The following MTREX variants were observed in gnomAD, a reference collection of about 807,000 sequenced individuals.
MTREX encodes Mtr4 exosome RNA helicase.
In MTREX, 76 loss-of-function variants were observed where a neutral mutation model predicts 135.4. The ratio of observed to expected loss-of-function variants is 0.56; its 90% CI spans 0.47 to 0.68. The LOEUF (loss-of-function observed/expected upper bound fraction) is 0.68, where lower values mean the gene tolerates loss of function less well. Among genes scored for constraint, MTREX ranks in the 30% least tolerant of loss-of-function variants. The pLI is 0.00. For synonymous variants in MTREX, 404 were observed against 401.6 expected (o/e 1.01, Z -0.07); for missense variants, 920 against 1,262.1 (o/e 0.73, Z 4.11).
At chr5:55,414,138 T>A in intron 23 of MTREX, 44 bp from the exon 24 acceptor site, 1 of 1,443,204 alleles carries the variant, frequency 6.9e-7, no homozygotes. Context: ...AACCAGTAAC[T>A]TTAAACGTGG....
chr5:55,321,155 T>C (rs771002252), intron 1 of MTREX, among the ~76,000 whole-genome samples: 10 of 152,204 alleles, frequency 6.6e-5, no homozygotes, highest in Non-Finnish European at 1.2e-4. Context: ...TTAATCTTAA[T>C]ATCTAATATT....
At chr5:55,422,807 G>A in intron 25 of MTREX, 71 bp from the exon 26 acceptor site, 1 of 1,168,654 alleles carries the variant, frequency 8.6e-7, no homozygotes, top group East Asian at 2.5e-5. Context: ...CTCCTGCCTT[G>A]CCTCTTAACA....
chr5:55,366,702 T>C (rs367875704), intron 15 of MTREX, 23 bp from the exon 16 acceptor site: 27 of 1,509,300 alleles, frequency 1.8e-5, no homozygotes, highest in Middle Eastern at 1.9e-4. Flanking sequence ...AACTACAAAA[T>C]TGACATTTTT....
chr5:55,354,895 C>T (rs916595339), intron 14 of MTREX, among the ~76,000 whole-genome samples: 3 of 152,106 alleles, frequency 2.0e-5, no homozygotes, highest in Admixed American at 6.5e-5. Flanking sequence ...GTCAACCAAC[C>T]GCACCCACCT....
chr5:55,367,713 T>C (rs1048522297), intron 16 of MTREX, among the ~76,000 whole-genome samples: 1 of 152,208 alleles, frequency 6.6e-6, no homozygotes, highest in Non-Finnish European at 1.5e-5. Flanking sequence ...AATTGTACAT[T>C]GATTCTTACC....
At chr5:55,335,657 T>A (rs894830741) in intron 5 of MTREX, among the ~76,000 whole-genome samples, 1 of 152,122 alleles carries the variant, frequency 6.6e-6, no homozygotes, top group African/African-American at 2.4e-5. Context: ...CTATTTTGAT[T>A]ACTGTGGGGT....
intron 18 of MTREX, among the ~76,000 whole-genome samples, chr5:55,379,716 A>G (rs1399998997): frequency 6.6e-6 from 1 of 152,066 alleles, no homozygotes; most frequent in Non-Finnish European, 1.5e-5. Context: ...GACAGCTATT[A>G]AATTCTCTTT....
chr5:55,368,717 G>A (rs528893573), intron 16 of MTREX, among the ~76,000 whole-genome samples: 4 of 152,056 alleles, frequency 2.6e-5, no homozygotes, highest in East Asian at 1.9e-4. Context: ...GGCATGTGCC[G>A]CCATGCCTGG....
chr5:55,340,486 AT>A (rs1448624938), intron 6 of MTREX, among the ~76,000 whole-genome samples: 9 of 152,180 alleles, frequency 5.9e-5, no homozygotes, highest in African/African-American at 2.2e-4. Flanking sequence ...AGTTTTAAGC[AT>A]TTGAATATAT....
At chr5:55,354,452 T>C (rs555857149) in intron 14 of MTREX, among the ~76,000 whole-genome samples, 5 of 152,344 alleles carry the variant, frequency 3.3e-5, no homozygotes, top group African/African-American at 1.2e-4. Flanking sequence ...ACCTTTTTTC[T>C]TTGAAATTGG....
At chr5:55,331,855 C>A (rs1446870988) in intron 5 of MTREX, among the ~76,000 whole-genome samples, 2 of 152,112 alleles carry the variant, frequency 1.3e-5, no homozygotes, top group African/African-American at 4.8e-5. Flanking sequence ...GCGTACTGTT[C>A]TTATATCCAG....
intron 19 of MTREX, among the ~76,000 whole-genome samples, chr5:55,395,662 C>T (rs1750635068): frequency 6.6e-6 from 1 of 152,122 alleles, no homozygotes; most frequent in African/African-American, 2.4e-5. Context: ...TCAAAGTGAT[C>T]AACATTATCT....
chr5:55,376,380 A>G (rs1167937351), intron 16 of MTREX, among the ~76,000 whole-genome samples: 1 of 152,204 alleles, frequency 6.6e-6, no homozygotes, highest in African/African-American at 2.4e-5. Flanking sequence ...GTCTTAAATC[A>G]TTGATTTGCC....
At chr5:55,313,779 A>C (rs1274215681) in intron 1 of MTREX, among the ~76,000 whole-genome samples, 2 of 152,170 alleles carry the variant, frequency 1.3e-5, no homozygotes, top group East Asian at 3.9e-4. Flanking sequence ...TCTTGCTTCC[A>C]TCCTTGCCCC....
intron 22 of MTREX, among the ~76,000 whole-genome samples, chr5:55,409,053 G>C (rs561384309): frequency 2.0e-5 from 3 of 152,182 alleles, no homozygotes; most frequent in Admixed American, 6.5e-5. Context: ...CTGGGCTTAA[G>C]TGATCCTCCC....
chr5:55,359,078 C>T (rs1291974308), intron 15 of MTREX, among the ~76,000 whole-genome samples: 1 of 152,222 alleles, frequency 6.6e-6, no homozygotes, highest in Non-Finnish European at 1.5e-5. Context: ...CAATGAGCTT[C>T]CTCTACCTTT....
At chr5:55,402,872 G>GTGTGTGTATA (rs70992784) in intron 21 of MTREX, among the ~76,000 whole-genome samples, 2 of 138,778 alleles carry the variant, frequency 1.4e-5, no homozygotes, top group African/African-American at 5.5e-5. Context: ...GTGTGTGTGT[G>GTGTGTGTATA]TATATATATA....
chr5:55,385,488 A>G (rs986279924), intron 18 of MTREX, among the ~76,000 whole-genome samples: 1 of 152,182 alleles, frequency 6.6e-6, no homozygotes, highest in African/African-American at 2.4e-5. Flanking sequence ...TTTCCAAGCA[A>G]GAGCTGCAGG....
At position 55,321,603 on chromosome 5, in the gene MTREX, A is replaced by ATT. The variant is rs570546421; in HGVS notation, c.135-703_135-702dup. ...TGGATATTCAGTGTACCAAACATCT[A>ATT]TTTTTTTTTTTTTTTTTTTTTTCCT... On this transcript the variant is annotated intron_variant, in intron 1 of 26. Coordinates refer to ENST00000230640, the MANE Select transcript of MTREX (RefSeq NM_015360.5). Among the ~76,000 whole-genome samples, 284 of 103,048 alleles carry ATT rather than the reference A, an allele frequency of 2.8e-3. 3 individuals carry two copies. The highest frequency in any genetic ancestry group is 8.8e-3 in the African/African-American group (241 of 27,348). 67.6% of individuals were successfully genotyped at this position (103,048 alleles called of 152,430 possible).
Sources: allele counts gnomAD v4.1 joint callset (sites outside exome capture counted in the v4.1 genomes callset), GRCh38; gene constraint gnomAD v4.1.1; transcripts MANE v1.5; gene names NCBI Gene and HGNC (gene_info 2026-07-23, HGNC 2026-07-21).